ATP13A5: variants seen among roughly 807,000 people sequenced by gnomAD.
ATP13A5 encodes the protein ATPase 13A5.
Under a neutral mutation model 150.2 loss-of-function variants are expected in ATP13A5, and 149 were observed. The ratio of observed to expected loss-of-function variants is 0.99; its 90% CI spans 0.87 to 1.14. The LOEUF (loss-of-function observed/expected upper bound fraction) is 1.14, where lower values mean the gene tolerates loss of function less well. Among genes scored for constraint, ATP13A5 ranks in the 50% most tolerant of loss-of-function variants. The pLI, the probability that ATP13A5 is intolerant of heterozygous loss-of-function variation, is 0.00. For missense variants in ATP13A5, 1,383 were observed against 1,449.3 expected, an observed-to-expected ratio of 0.95 and a Z score of 0.74; for synonymous variants, 497 against 522.2, an observed-to-expected ratio of 0.95 and a Z score of 0.66.
chr3:193,302,699 T>G (rs1718448295), intron 23 of ATP13A5, among the ~76,000 whole-genome samples: 1 of 152,172 alleles, frequency 6.6e-6, no homozygotes, highest in Admixed American at 6.5e-5. Context: ...CCTAAAGGAC[T>G]TGAACTATAG....
At chr3:193,281,217 G>A in intron 27 of ATP13A5, 1 of 985,332 alleles carries the variant, frequency 1.0e-6, no homozygotes, top group South Asian at 4.7e-5. Flanking sequence ...GAACGCAGAA[G>A]CTGGGAAGAA....
At chr3:193,309,839 G>A (rs1718772624) in intron 21 of ATP13A5, among the ~76,000 whole-genome samples, 1 of 152,144 alleles carries the variant, frequency 6.6e-6, no homozygotes, top group South Asian at 2.1e-4. Flanking sequence ...CCCCACTCAA[G>A]CCAGTGCTTG....
intron 25 of ATP13A5, 52 bp downstream of exon 25, chr3:193,299,079 G>T: frequency 6.9e-7 from 1 of 1,442,824 alleles, no homozygotes; most frequent in Non-Finnish European, 9.4e-7. Flanking sequence ...ACTGTTTCTA[G>T]AATTTCATAG....
At chr3:193,281,138 G>C in intron 27 of ATP13A5, 1 of 975,964 alleles carries the variant, frequency 1.0e-6, no homozygotes, top group African/African-American at 1.7e-5. Flanking sequence ...AATCTAAATG[G>C]CTTGGTGATA....
chr3:193,304,304 A>C (rs559004596), intron 23 of ATP13A5, among the ~76,000 whole-genome samples: 1 of 152,186 alleles, frequency 6.6e-6, no homozygotes, highest in African/African-American at 2.4e-5. Context: ...AGGCAGGGGA[A>C]GTGATCGTGT....
intron 27 of ATP13A5, among the ~76,000 whole-genome samples, chr3:193,280,300 C>T (rs192550378): frequency 6.6e-6 from 1 of 152,300 alleles, no homozygotes; most frequent in African/African-American, 2.4e-5. Context: ...GATCCACCCG[C>T]CTCGGCCTCC....
chr3:193,297,780 C>T (rs918028819), intron 25 of ATP13A5, among the ~76,000 whole-genome samples: 1 of 152,024 alleles, frequency 6.6e-6, no homozygotes, highest in African/African-American at 2.4e-5. Context: ...TTTAAGCAGC[C>T]CCATTACCAC....
intron 12 of ATP13A5, among the ~76,000 whole-genome samples, chr3:193,328,423 A>C (rs949517853): frequency 1.3e-5 from 2 of 152,236 alleles, no homozygotes; most frequent in Non-Finnish European, 1.5e-5. Flanking sequence ...TTCGGTTTCC[A>C]AATCCCCTCA....
At chr3:193,311,587 T>G (rs1718850666) in intron 20 of ATP13A5, among the ~76,000 whole-genome samples, 1 of 151,898 alleles carries the variant, frequency 6.6e-6, no homozygotes. Context: ...GCCACAGGGG[T>G]GAGAGAAGGT....
chr3:193,339,091 C>A (rs566250642), intron 9 of ATP13A5, among the ~76,000 whole-genome samples: 1 of 150,110 alleles, frequency 6.7e-6, no homozygotes, highest in Non-Finnish European at 1.5e-5. Context: ...TCCCCTTTAT[C>A]ATTTTTTATT....
At chr3:193,335,211 C>G in intron 9 of ATP13A5, 112 bp from the exon 10 acceptor site, 1 of 922,844 alleles carries the variant, frequency 1.1e-6, no homozygotes, top group Non-Finnish European at 1.7e-6. Context: ...GTCTTAATGC[C>G]CATCCCATGA....
At chr3:193,305,691 CA>C (rs1718586904) in intron 22 of ATP13A5, 23 bp from the exon 23 acceptor site, 1 of 1,605,268 alleles carries the variant, frequency 6.2e-7, no homozygotes, top group African/African-American at 1.3e-5. Flanking sequence ...GCCCATGTCT[CA>C]CCCATGACTT....
intron 13 of ATP13A5, 90 bp from the exon 14 acceptor site, chr3:193,325,104 T>A: frequency 2.3e-6 from 3 of 1,316,938 alleles, no homozygotes; most frequent in Non-Finnish European, 3.2e-6. Flanking sequence ...TCCAAACACC[T>A]AACGTTCATG....
intron 17 of ATP13A5, among the ~76,000 whole-genome samples, chr3:193,317,247 C>T (rs1318892999): frequency 6.6e-6 from 1 of 152,190 alleles, no homozygotes; most frequent in African/African-American, 2.4e-5. Flanking sequence ...TTGCTGATTG[C>T]CTAGGCAAAA....
At chr3:193,301,384 G>C in intron 23 of ATP13A5, 77 bp from the exon 24 acceptor site, 1 of 1,102,504 alleles carries the variant, frequency 9.1e-7, no homozygotes. Context: ...CTTAAAACGA[G>C]TTATATTTTT....
chr3:193,374,874 T>C (rs1201348096), intron 1 of ATP13A5, among the ~76,000 whole-genome samples: 1 of 152,146 alleles, frequency 6.6e-6, no homozygotes, highest in East Asian at 1.9e-4. Flanking sequence ...AGTGGGCTCA[T>C]TATAAAAGCA....
intron 18 of ATP13A5, among the ~76,000 whole-genome samples, chr3:193,314,747 G>C (rs901895884): frequency 2.0e-5 from 3 of 152,168 alleles, no homozygotes; most frequent in Non-Finnish European, 4.4e-5. Flanking sequence ...CTGGCTGGGA[G>C]GGGTAGTCAT....
chr3:193,368,668 C>A (rs1037140055), intron 1 of ATP13A5, among the ~76,000 whole-genome samples: 9 of 152,130 alleles, frequency 5.9e-5, no homozygotes, highest in African/African-American at 2.2e-4. Context: ...CCACTGCAAT[C>A]TGTGTGGGAA....
At chr3:193,294,235 C>T (rs1264262308) in intron 25 of ATP13A5, among the ~76,000 whole-genome samples, 1 of 123,910 alleles carries the variant, frequency 8.1e-6, no homozygotes, top group African/African-American at 3.3e-5. Context: ...AAAGTGACCT[C>T]CATTTTTATC....
Sources: allele counts gnomAD v4.1 joint callset (sites outside exome capture counted in the v4.1 genomes callset), GRCh38; gene constraint gnomAD v4.1.1; transcripts MANE v1.5; gene names NCBI Gene and HGNC (gene_info 2026-07-23, HGNC 2026-07-21).